DMD: variants seen among roughly 807,000 people sequenced by gnomAD.
DMD encodes the protein dystrophin, also known as mutant dystrophin.
In DMD, 63 loss-of-function variants were observed where a neutral mutation model predicts 330.1. The ratio of observed to expected loss-of-function variants is 0.19; its 90% CI spans 0.16 to 0.24. The LOEUF (loss-of-function observed/expected upper bound fraction) is 0.24. DMD is among the 10% of genes least tolerant of loss of function. The probability of loss-of-function intolerance (pLI) is 1.00; values close to 1 mark genes in which losing one functional copy is unlikely to be tolerated. For synonymous variants in DMD, 1,223 were observed against 959.8 expected (o/e 1.27, Z -5.07); for missense variants, 3,344 against 2,684.1 (o/e 1.25, Z -5.43).
chrX:32,454,482 T>C (rs750567439), intron 26 of DMD, among the ~76,000 whole-genome samples, 180 bp downstream of exon 26: 2 of 110,842 alleles, frequency 1.8e-5, no homozygotes, highest in East Asian at 5.7e-4. Context: ...AATTAAACAG[T>C]TTAAGGTTGT....
chrX:32,924,081 G>A, intron 2 of DMD, among the ~76,000 whole-genome samples: 1 of 111,742 alleles, frequency 8.9e-6, no homozygotes, highest in Middle Eastern at 4.6e-3. Context: ...TATTAAAGAA[G>A]TCCTTGCTTT....
chrX:32,832,433 TTTTCA>T lies in DMD; in HGVS notation c.265-9051_265-9047del, dbSNP rs201588154. Among the ~76,000 whole-genome samples, 306 of 111,294 alleles carry T rather than the reference TTTTCA, an allele frequency of 2.7e-3. 2 individuals carry two copies. Among genetic ancestry groups the T allele is most frequent in the African/African-American group, 9.7e-3 (296 of 30,634 alleles). ...ACCATCTATTTGGTTCTTTCATTTC[TTTTCA>T]TTTCATTTCGTTCTCATAAAATATA... On this transcript the variant is annotated intron_variant, in intron 4 of 78. Transcript: ENST00000357033.
chrX:32,329,643 T>A (rs1297654992), intron 41 of DMD, among the ~76,000 whole-genome samples: 1 of 112,610 alleles, frequency 8.9e-6, no homozygotes, highest in African/African-American at 3.2e-5. Context: ...ACTAACCAGT[T>A]AACACATTTT....
chrX:31,700,135 G>A (rs1201223730), intron 52 of DMD, among the ~76,000 whole-genome samples: 3 of 108,349 alleles, frequency 2.8e-5, no homozygotes, highest in African/African-American at 6.7e-5. Context: ...GCAGTGAGCC[G>A]AGATTGCGCC....
intron 41 of DMD, among the ~76,000 whole-genome samples, chrX:32,333,602 G>T (rs1192159511): frequency 1.8e-5 from 2 of 110,614 alleles, no homozygotes; most frequent in Non-Finnish European, 3.8e-5. Flanking sequence ...TTCTGCTTCA[G>T]ATTTGCTCAG....
intron 1 of DMD, among the ~76,000 whole-genome samples, chrX:33,031,875 A>T (rs1256171485): frequency 8.0e-5 from 9 of 112,042 alleles, no homozygotes; most frequent in Non-Finnish European, 1.7e-4. Flanking sequence ...TGGTAAAAAA[A>T]CTCTTAGCTT....
chrX:32,178,508 T>C (rs1372471689), intron 44 of DMD, among the ~76,000 whole-genome samples: 1 of 110,006 alleles, frequency 9.1e-6, no homozygotes, highest in East Asian at 2.8e-4. Flanking sequence ...ATCAAAAATC[T>C]TGAATACACA....
Position 32,528,040 on chromosome X carries a change from G to A in DMD, c.2169-9909C>T, listed in dbSNP as rs1161126447. On this transcript the variant is annotated intron_variant, in intron 17 of 78. Transcript: ENST00000357033. ...TACTGAGCTGAGGGCCAGGCGTGGC[G>A]GCTCATGCCTGTAATTCCAGCACTT... is the stretch of plus-strand genomic sequence containing the variant. Among the ~76,000 whole-genome samples the A allele has an allele frequency of 2.7e-5, 3 of 112,297 alleles. No homozygotes were observed. The Admixed American group carries it at 2.8e-4, about 11-fold the overall frequency.
At chrX:31,931,304 A>C (rs1285113805) in intron 46 of DMD, among the ~76,000 whole-genome samples, 1 of 110,190 alleles carries the variant, frequency 9.1e-6, no homozygotes, top group Non-Finnish European at 1.9e-5. Context: ...AAATAGATCC[A>C]AAAGAGCTGC....
chrX:32,475,313 G>C (rs942151890), intron 21 of DMD, among the ~76,000 whole-genome samples: 1 of 111,006 alleles, frequency 9.0e-6, no homozygotes, highest in Non-Finnish European at 1.9e-5. Flanking sequence ...TGTTCTTTTT[G>C]CTTAGTCTTG....
intron 43 of DMD, among the ~76,000 whole-genome samples, chrX:32,265,943 G>T (rs149435618): frequency 9.0e-6 from 1 of 111,282 alleles, no homozygotes; most frequent in Non-Finnish European, 1.9e-5. Context: ...GTTAATGCTA[G>T]AGTGAGTTAA....
chrX:32,971,428 C>T (rs769951807), intron 2 of DMD, among the ~76,000 whole-genome samples: 1 of 111,101 alleles, frequency 9.0e-6, no homozygotes, highest in African/African-American at 3.3e-5. Context: ...GAAGAAAAAA[C>T]AGTCACTTTG....
intron 7 of DMD, among the ~76,000 whole-genome samples, chrX:32,779,805 A>C (rs1383608850): frequency 1.1e-4 from 12 of 108,984 alleles, no homozygotes; most frequent in Non-Finnish European, 2.3e-4. Context: ...CCAACATGGC[A>C]CATGTATACA....
At chrX:31,718,118 C>T (rs2085196374) in intron 52 of DMD, among the ~76,000 whole-genome samples, 1 of 111,995 alleles carries the variant, frequency 8.9e-6, no homozygotes, top group Non-Finnish European at 1.9e-5. Flanking sequence ...ATTCTGTATA[C>T]ATTTTGCTTT....
chrX:32,433,136 C>A (rs1407849015), intron 29 of DMD, among the ~76,000 whole-genome samples: 1 of 112,183 alleles, frequency 8.9e-6, no homozygotes, highest in Non-Finnish European at 1.9e-5. Context: ...TTTAATTAGT[C>A]AGCCATAATA....
At chrX:33,148,943 G>A (rs955983379) in intron 1 of DMD, among the ~76,000 whole-genome samples, 1 of 110,592 alleles carries the variant, frequency 9.0e-6, no homozygotes, top group Non-Finnish European at 1.9e-5. Flanking sequence ...GGTGGGTTCT[G>A]TGGCTGCTCT....
chrX:31,182,667 T>C (rs1482030945), intron 68 of DMD, 71 bp downstream of exon 68: 10 of 1,056,127 alleles, frequency 9.5e-6, no homozygotes, highest in Non-Finnish European at 1.3e-5. Context: ...GCACAGGAGA[T>C]AAAAGATCAA....
chrX:32,930,816 TTATA>T, intron 2 of DMD, among the ~76,000 whole-genome samples: 1 of 110,052 alleles, frequency 9.1e-6, no homozygotes, highest in East Asian at 2.8e-4. Flanking sequence ...TTCTTTTGCA[TTATA>T]TATATTTACT....
intron 50 of DMD, among the ~76,000 whole-genome samples, chrX:31,785,694 T>C (rs1156249956): frequency 9.1e-6 from 1 of 110,066 alleles, no homozygotes; most frequent in East Asian, 2.9e-4. Flanking sequence ...AGTGAGAACA[T>C]GCGGTGTTTG....
Sources: allele counts gnomAD v4.1 joint callset (sites outside exome capture counted in the v4.1 genomes callset), GRCh38; gene constraint gnomAD v4.1.1; transcripts MANE v1.5; gene names NCBI Gene and HGNC (gene_info 2026-07-23, HGNC 2026-07-21).